TUSC3: variants seen among roughly 807,000 people sequenced by gnomAD.
TUSC3 encodes the protein dolichyl-diphosphooligosaccharide--protein glycosyltransferase subunit TUSC3.
Under a neutral mutation model 44.8 loss-of-function variants are expected in TUSC3, and 45 were observed. The ratio of observed to expected loss-of-function variants is 1.00; its 90% CI spans 0.79 to 1.29. TUSC3 has a LOEUF of 1.29. Among genes scored for constraint, TUSC3 ranks in the 50% most tolerant of loss-of-function variants. TUSC3 has a pLI of 0.00. For synonymous variants in TUSC3, 212 were observed against 152.9 expected (o/e 1.39, Z -2.85); for missense variants, 519 against 437.9 (o/e 1.19, Z -1.65).
At chr8:15,448,443 A>C (rs1282088123) in intron 1 of TUSC3, among the ~76,000 whole-genome samples, 1 of 152,058 alleles carries the variant, frequency 6.6e-6, no homozygotes, top group African/African-American at 2.4e-5. Context: ...ATACTGATAA[A>C]AGGTGAAATG....
At chr8:15,623,861 A>G (rs2129164884) in intron 2 of TUSC3, among the ~76,000 whole-genome samples, 1 of 152,288 alleles carries the variant, frequency 6.6e-6, no homozygotes, top group African/African-American at 2.4e-5. Context: ...CTATAGTACA[A>G]ATTCACAAGT....
At chr8:15,685,846 T>G (rs941636587) in intron 6 of TUSC3, among the ~76,000 whole-genome samples, 7 of 147,876 alleles carry the variant, frequency 4.7e-5, no homozygotes, top group Non-Finnish European at 7.5e-5. Context: ...TGGGTATTCA[T>G]TTAGTTCTTA....
chr8:15,551,416 A>G (rs1802057182), intron 1 of TUSC3, among the ~76,000 whole-genome samples: 2 of 151,950 alleles, frequency 1.3e-5, no homozygotes, highest in South Asian at 2.1e-4. Flanking sequence ...AAACTTTCTT[A>G]TAAAGAAGCC....
intron 1 of TUSC3, among the ~76,000 whole-genome samples, chr8:15,589,851 A>G (rs1444561163): frequency 1.3e-5 from 2 of 152,160 alleles, no homozygotes; most frequent in African/African-American, 4.8e-5. Flanking sequence ...TGATTCTAGA[A>G]CTTCTTTTGG....
chr8:15,828,846 C>T, the TUSC3 span, among the ~76,000 whole-genome samples: 1 of 152,038 alleles, frequency 6.6e-6, no homozygotes, highest in African/African-American at 2.4e-5. Flanking sequence ...GTGTGTCAAA[C>T]CTTATTGTGC....
intron 7 of TUSC3, among the ~76,000 whole-genome samples, chr8:15,732,674 G>T (rs1054152367): frequency 3.9e-5 from 6 of 152,112 alleles, no homozygotes; most frequent in Non-Finnish European, 7.4e-5. Flanking sequence ...CCGTTAAATT[G>T]TATAACTTAT....
At chr8:15,528,980 C>A (rs1011264824) in intron 2 of TUSC3, among the ~76,000 whole-genome samples, 3 of 152,156 alleles carry the variant, frequency 2.0e-5, no homozygotes, top group Non-Finnish European at 4.4e-5. Flanking sequence ...AGTTAATAAC[C>A]AATGAACAGT....
rs372399375 is a variant in TUSC3 at position 15,659,592 on chromosome 8, T to C, written c.512T>C (p.Ile171Thr). The change falls in exon 4 of 11, where the codon ATT becomes ACT. Residue 171 changes from isoleucine to threonine, a missense_variant. Coordinates refer to ENST00000503731, the MANE Select transcript of TUSC3 (RefSeq NM_006765.4). ...KRADTFDLQR[I>T]GFAAEQLAKW... ...GCTGATACTTTTGACCTCCAAAGAA[T>C]TGGATTTGCAGCTGAGCAACTAGCA... The C allele has an allele frequency of 5.3e-5, 85 of 1,613,430 alleles. No individual in the cohort carries two copies. The highest frequency in any genetic ancestry group is 6.7e-5 in the East Asian group (3 of 44,830).
the TUSC3 span, chr8:15,806,770 C>A: frequency 3.8e-6 from 3 of 793,298 alleles, no homozygotes; most frequent in Non-Finnish European, 6.4e-6. Flanking sequence ...CACCTGCATT[C>A]TGAATTCATT....
intron 6 of TUSC3, among the ~76,000 whole-genome samples, chr8:15,687,081 C>G (rs571727505): frequency 4.0e-5 from 6 of 150,228 alleles, no homozygotes; most frequent in African/African-American, 1.5e-4. Context: ...TCAAAAAAAA[C>G]AAAAAACAAA....
At chr8:15,810,392 C>T in the TUSC3 span, among the ~76,000 whole-genome samples, 2 of 152,144 alleles carry the variant, frequency 1.3e-5, no homozygotes, top group African/African-American at 2.4e-5. Flanking sequence ...AATCTCTGCA[C>T]TTTGGGAAGC....
chr8:15,449,091 G>A (rs372473312), intron 1 of TUSC3, among the ~76,000 whole-genome samples: 8 of 152,260 alleles, frequency 5.3e-5, no homozygotes, highest in South Asian at 2.1e-4. Flanking sequence ...CTCATAAAGC[G>A]TTGTAGCCTG....
At chr8:15,646,649 A>G (rs986910596) in intron 2 of TUSC3, among the ~76,000 whole-genome samples, 1 of 152,092 alleles carries the variant, frequency 6.6e-6, no homozygotes, top group Non-Finnish European at 1.5e-5. Context: ...TATTTTAATC[A>G]AAACAATGTT....
At chr8:15,559,263 C>G (rs962767631) in intron 1 of TUSC3, among the ~76,000 whole-genome samples, 5 of 142,106 alleles carry the variant, frequency 3.5e-5, no homozygotes, top group African/African-American at 1.3e-4. Context: ...GTTATGTACC[C>G]AGTAGTCATT....
At chr8:15,463,436 A>G (rs370586344) in intron 1 of TUSC3, among the ~76,000 whole-genome samples, 2 of 152,126 alleles carry the variant, frequency 1.3e-5, no homozygotes, top group African/African-American at 2.4e-5. Context: ...TTAAAAGATA[A>G]TGTTTATTAC....
At chr8:15,647,021 ATCT>A (rs1806663531) in intron 2 of TUSC3, among the ~76,000 whole-genome samples, 1 of 152,094 alleles carries the variant, frequency 6.6e-6, no homozygotes, top group Admixed American at 6.6e-5. Context: ...ATGAGCAGAC[ATCT>A]TCTTCCCCAT....
At chr8:15,761,198 C>G (rs935582813) in intron 10 of TUSC3, among the ~76,000 whole-genome samples, 1 of 152,082 alleles carries the variant, frequency 6.6e-6, no homozygotes, top group Non-Finnish European at 1.5e-5. Context: ...TGCTAATAAA[C>G]CTATGGAATA....
intron 2 of TUSC3, among the ~76,000 whole-genome samples, chr8:15,632,716 G>A (rs2129168572): frequency 6.6e-6 from 1 of 152,244 alleles, no homozygotes; most frequent in African/African-American, 2.4e-5. Flanking sequence ...TCATTCTTCT[G>A]TAAAGGCAAG....
the TUSC3 span, among the ~76,000 whole-genome samples, chr8:15,821,038 A>G: frequency 1.3e-5 from 2 of 152,260 alleles, no homozygotes; most frequent in East Asian, 3.9e-4. Flanking sequence ...TTTCTCTTCA[A>G]CTTGAAAATT....
Sources: allele counts gnomAD v4.1 joint callset (sites outside exome capture counted in the v4.1 genomes callset), GRCh38; gene constraint gnomAD v4.1.1; transcripts MANE v1.5; gene names NCBI Gene and HGNC (gene_info 2026-07-23, HGNC 2026-07-21).